The following PCDH15 variants were observed in gnomAD, a reference collection of about 807,000 sequenced individuals.
PCDH15 encodes protocadherin related 15, also known as protocadherin-15.
A neutral mutation model predicts 178.5 loss-of-function variants in PCDH15; 129 were observed. The ratio of observed to expected loss-of-function variants is 0.72; its 90% confidence interval spans 0.63 to 0.84. PCDH15 has a LOEUF of 0.84. Ranked by LOEUF, PCDH15 falls within the 40% of genes least tolerant of loss-of-function variation. The probability of loss-of-function intolerance (pLI) is 0.00; values close to 1 mark genes in which losing one functional copy is unlikely to be tolerated. For synonymous variants in PCDH15, 800 were observed against 732.0 expected (o/e 1.09, Z -1.50); for missense variants, 2,230 against 2,099.9 (o/e 1.06, Z -1.21).
At chr10:55,391,709 A>G (rs1256024788) in intron 2 of PCDH15, among the ~76,000 whole-genome samples, 1 of 151,998 alleles carries the variant, frequency 6.6e-6, no homozygotes, top group Admixed American at 6.6e-5. Flanking sequence ...GCTGGTCTCA[A>G]ACTCCTGACC....
At chr10:55,453,040 T>G (rs1029953620) in intron 2 of PCDH15, among the ~76,000 whole-genome samples, 1 of 152,146 alleles carries the variant, frequency 6.6e-6, no homozygotes, top group African/African-American at 2.4e-5. Flanking sequence ...TAAAAACATA[T>G]AAATACAAAT....
chr10:55,459,793 C>A (rs1839633457), intron 2 of PCDH15, among the ~76,000 whole-genome samples: 2 of 151,938 alleles, frequency 1.3e-5, no homozygotes, highest in South Asian at 4.1e-4. Context: ...ATCTGGAAGA[C>A]CTTAGCAGGT....
intron 2 of PCDH15, among the ~76,000 whole-genome samples, chr10:54,963,336 T>TG (rs1838704706): frequency 9.0e-5 from 1 of 11,132 alleles, no homozygotes; most frequent in Admixed American, 8.7e-4. Context: ...ATAAAATGTG[T>TG]TTTTTTTTTT....
chr10:55,002,790 A>T lies in PCDH15; in HGVS notation c.-79-105290T>A, dbSNP rs1839823616. Among the ~76,000 whole-genome samples the T allele has an allele frequency of 2.0e-5, 3 of 152,344 alleles. No homozygotes were observed. In the South Asian group the frequency reaches 6.2e-4, roughly 32 times the overall value. Reference sequence around the variant, plus strand: ...AAAAGCCAGTTCCAGGGATAAAAGTAGTTCAGAGTTTTTCTATAAATTAAA... The same window carrying T: ...AAAAGCCAGTTCCAGGGATAAAAGTTGTTCAGAGTTTTTCTATAAATTAAA... On this transcript the variant is annotated intron_variant, in intron 2 of 5. Transcript: ENST00000458638.
Position 54,779,490 on chromosome 10 carries a change from A to G in PCDH15, c.-29+21435T>C, listed in dbSNP as rs796426337. 1.3e-3 allele frequency among the ~76,000 whole-genome samples: 151 copies of G among 118,482 alleles called. 1 individual carries two copies. Among genetic ancestry groups the G allele is most frequent in the East Asian group, 3.7e-3 (14 of 3,788 alleles). 77.7% of individuals were successfully genotyped at this position (118,482 alleles called of 152,430 possible). ...TATATATATACACACATATATATGT[A>G]TATATATACACACATATATGTGTGT... On this transcript the variant is annotated intron_variant, in intron 1 of 37. Transcript: ENST00000644397.
intron 18 of PCDH15, among the ~76,000 whole-genome samples, chr10:54,041,478 A>G (rs1463417119): frequency 6.6e-6 from 1 of 152,046 alleles, no homozygotes; most frequent in Non-Finnish European, 1.5e-5. Context: ...CCAAGGTGAA[A>G]AAGTAGATAT....
chr10:54,163,768 G>A (rs78924982), intron 13 of PCDH15, among the ~76,000 whole-genome samples: 2,158 of 152,046 alleles, frequency 0.014, 43 homozygotes, highest in African/African-American at 0.049. Flanking sequence ...CAATAACTTG[G>A]CATTACTCAG....
intron 9 of PCDH15, among the ~76,000 whole-genome samples, chr10:54,230,642 G>A (rs960868050): frequency 6.6e-6 from 1 of 152,052 alleles, no homozygotes. Context: ...CACAGTTAAT[G>A]AAGGTTGATA....
chr10:53,821,828 G>T, intron 32 of PCDH15: 4 of 1,610,342 alleles, frequency 2.5e-6, no homozygotes, highest in Non-Finnish European at 3.4e-6. Context: ...TCAACAAGAG[G>T]TTTGCCCGAC....
intron 2 of PCDH15, among the ~76,000 whole-genome samples, chr10:54,579,525 A>G (rs2090836374): frequency 6.6e-6 from 1 of 152,078 alleles, no homozygotes; most frequent in Non-Finnish European, 1.5e-5. Context: ...ACTTAGGCAC[A>G]AAACAATAAT....
At chr10:54,875,124 T>G (rs893231852) in intron 3 of PCDH15, among the ~76,000 whole-genome samples, 18 of 152,198 alleles carry the variant, frequency 1.2e-4, no homozygotes, top group Non-Finnish European at 2.2e-4. Context: ...CGTGCTCATT[T>G]CATGTCATTG....
chr10:55,437,081 G>A (rs1194097954), intron 2 of PCDH15, among the ~76,000 whole-genome samples: 3 of 152,090 alleles, frequency 2.0e-5, no homozygotes, highest in Non-Finnish European at 4.4e-5. Flanking sequence ...TAATATAAAA[G>A]CGATGACTAT....
At chr10:54,280,546 C>A (rs1379788764) in intron 8 of PCDH15, among the ~76,000 whole-genome samples, 2 of 151,796 alleles carry the variant, frequency 1.3e-5, no homozygotes, top group Middle Eastern at 3.4e-3. Flanking sequence ...TATTCAATTT[C>A]TTTCTCTTTG....
At chr10:53,977,002 G>A (rs1042559432) in intron 21 of PCDH15, among the ~76,000 whole-genome samples, 2 of 151,142 alleles carry the variant, frequency 1.3e-5, no homozygotes, top group African/African-American at 2.4e-5. Flanking sequence ...CCTGTTTACT[G>A]TTAACCAACT....
chr10:54,446,931 T>C (rs144132920), intron 3 of PCDH15, among the ~76,000 whole-genome samples: 2 of 151,706 alleles, frequency 1.3e-5, no homozygotes, highest in African/African-American at 4.8e-5. Context: ...CAACTAACTG[T>C]TGAGACCCAG....
chr10:54,726,200 T>C (rs1942475288), intron 1 of PCDH15, among the ~76,000 whole-genome samples: 1 of 151,534 alleles, frequency 6.6e-6, no homozygotes, highest in African/African-American at 2.4e-5. Context: ...TACTAACAGT[T>C]AGAAAATTGG....
At chr10:54,966,159 G>A (rs546306022) in intron 2 of PCDH15, among the ~76,000 whole-genome samples, 4 of 152,010 alleles carry the variant, frequency 2.6e-5, no homozygotes, top group Admixed American at 1.3e-4. Context: ...GAGAATGCAG[G>A]CTAAGAACAG....
chr10:54,162,397 G>T (rs567786231), intron 13 of PCDH15, among the ~76,000 whole-genome samples: 12 of 152,160 alleles, frequency 7.9e-5, no homozygotes, highest in Non-Finnish European at 1.8e-4. Context: ...ACCCATGGAA[G>T]AAAAGCAGAA....
At chr10:54,963,867 T>C (rs551742233) in intron 2 of PCDH15, among the ~76,000 whole-genome samples, 1 of 152,298 alleles carries the variant, frequency 6.6e-6, no homozygotes, top group Non-Finnish European at 1.5e-5. Context: ...GCAATCACTG[T>C]GACAAAAATT....
Sources: gnomAD v4.1 joint callset for allele counts (sites outside exome capture counted in the v4.1 genomes callset) on GRCh38, gnomAD v4.1.1 for gene constraint, MANE v1.5 for transcripts, NCBI Gene and HGNC (gene_info 2026-07-23, HGNC 2026-07-21) for gene names.